Variants in PCDHGA6 observed in about 807,000 individuals in gnomAD.
The protein encoded by PCDHGA6 is protocadherin gamma-A6.
PCDHGA6 carries 41 observed loss-of-function variants against 60.6 expected under a neutral mutation model. That is an observed-to-expected ratio of 0.68 (90% confidence interval 0.53 to 0.88). The LOEUF (loss-of-function observed/expected upper bound fraction) is 0.88. PCDHGA6 is among the 40% of genes least tolerant of loss of function. PCDHGA6 has a pLI of 0.00. For missense variants in PCDHGA6, 1,312 were observed against 1,203.0 expected, an observed-to-expected ratio of 1.09 and a Z score of -1.34; for synonymous variants, 594 against 524.4, an observed-to-expected ratio of 1.13 and a Z score of -1.81.
chr5:141,385,537 T>C (rs1486400401), intron 1 of PCDHGA6: 7 of 1,341,300 alleles, frequency 5.2e-6, no homozygotes, highest in Non-Finnish European at 6.7e-6. Flanking sequence ...ATTATGAATA[T>C]GTGGACTATC....
Position 141,422,964 on chromosome 5 carries a change from G to C in PCDHGA6, c.2424+46457G>C, listed in dbSNP as rs375881737. 1.0e-4 allele frequency: 161 copies of C among 1,614,190 alleles called. No individual in the cohort carries two copies. In the African/African-American group the frequency reaches 1.9e-3, roughly 20 times the overall value. ...ACGGCTCCACTGGCGTGGAGCTGGC[G>C]CCCCGCTCTGCGGAACCTGGCTACC... On this transcript the variant is annotated intron_variant, in intron 1 of 3. Coordinates refer to ENST00000517434, the MANE Select transcript of PCDHGA6 (RefSeq NM_018919.3).
chr5:141,462,431 T>G (rs1345184304), intron 1 of PCDHGA6, among the ~76,000 whole-genome samples: 1 of 152,246 alleles, frequency 6.6e-6, no homozygotes, highest in East Asian at 1.9e-4. Context: ...TGGTGAGTGT[T>G]GCTTACACAC....
rs887814386 is a variant in PCDHGA6, at chr5:141,431,347, G to A, written c.2424+54840G>A. The A allele has an allele frequency of 1.9e-6, 3 of 1,614,098 alleles. No individual in the cohort carries two copies. The highest frequency in any genetic ancestry group is 2.5e-6 in the Non-Finnish European group (3 of 1,180,036). On this transcript the variant is annotated intron_variant, in intron 1 of 3. Coordinates refer to ENST00000517434, the MANE Select transcript of PCDHGA6 (RefSeq NM_018919.3). This position sits in a 1 kb window ranked among gnomAD's most constrained non-coding sequence, Gnocchi z 4.8. ...GTAGTAAGTACCCCGAATTGGTGCT[G>A]AAACGCGCCCTGGACCGCGAAGAAA...
chr5:141,469,376 A>T (rs572466149), intron 1 of PCDHGA6, among the ~76,000 whole-genome samples: 1 of 152,232 alleles, frequency 6.6e-6, no homozygotes, highest in East Asian at 1.9e-4. Flanking sequence ...AGAGATCGAG[A>T]CCATCCTGGC....
In PCDHGA6 at chr5:141,431,430, G is replaced by A; in HGVS notation, c.2424+54923G>A. ...GACGGGGGCGACCCGGTGCGCACAG[G>A]CACCGCGCGCATCCGCGTGATGGTT... is the stretch of plus-strand genomic sequence containing the variant. On this transcript the variant is annotated intron_variant, in intron 1 of 3. Coordinates refer to ENST00000517434, the MANE Select transcript of PCDHGA6 (RefSeq NM_018919.3). The surrounding 1 kb of genome is among the most constrained non-coding windows in gnomAD (Gnocchi z 4.8). 1 of 1,613,680 alleles carries A rather than the reference G, an allele frequency of 6.2e-7. No individual in the cohort carries two copies. The highest frequency in any genetic ancestry group is 8.5e-7 in the Non-Finnish European group (1 of 1,180,018).
chr5:141,430,826 C>T (rs993762069), intron 1 of PCDHGA6: 1 of 1,550,298 alleles, frequency 6.5e-7, no homozygotes, highest in Non-Finnish European at 8.7e-7. Context: ...CCTGGGGACT[C>T]TGTGGGAGAC....
chr5:141,420,269 A>C, intron 1 of PCDHGA6: 1 of 1,544,558 alleles, frequency 6.5e-7, no homozygotes, highest in Non-Finnish European at 8.8e-7. Flanking sequence ...GAAGATTCTT[A>C]AACAGGTAAG....
At chr5:141,385,295 A>C (rs1422997974) in intron 1 of PCDHGA6, 1 of 1,613,146 alleles carries the variant, frequency 6.2e-7, no homozygotes, top group African/African-American at 1.3e-5. Context: ...GATTTTCAGG[A>C]ATGTAAAGAA....
At chr5:141,407,214 G>C (rs1230787104) in intron 1 of PCDHGA6, among the ~76,000 whole-genome samples, 2 of 152,146 alleles carry the variant, frequency 1.3e-5, no homozygotes, top group South Asian at 2.1e-4. Context: ...TCCCCCTTAA[G>C]TGGGTAGCAA....
chr5:141,405,120 A>G (rs1223444295), intron 1 of PCDHGA6: 2 of 1,613,938 alleles, frequency 1.2e-6, no homozygotes, highest in Non-Finnish European at 1.7e-6. Context: ...CACTCCTCGC[A>G]TCTGCTGCGG....
At chr5:141,403,390 G>A in intron 1 of PCDHGA6, 1 of 1,614,038 alleles carries the variant, frequency 6.2e-7, no homozygotes, top group Non-Finnish European at 8.5e-7. Context: ...ACGAAATCGC[G>A]GTTCCTGGAG....
intron 1 of PCDHGA6, among the ~76,000 whole-genome samples, chr5:141,445,132 G>T (rs921068835): frequency 2.6e-5 from 4 of 152,026 alleles, no homozygotes; most frequent in Non-Finnish European, 5.9e-5. Flanking sequence ...TTTTAAAATT[G>T]TATCTTCTAA....
chr5:141,389,957 G>A (rs2091985321), intron 1 of PCDHGA6: 2 of 1,614,080 alleles, frequency 1.2e-6, no homozygotes, highest in Non-Finnish European at 1.7e-6. Flanking sequence ...TTTACCTAGT[G>A]GTGGCCTTGG....
At chr5:141,412,195 C>T (rs1326751515) in intron 1 of PCDHGA6, 2 of 152,208 alleles carry the variant, frequency 1.3e-5, no homozygotes, top group African/African-American at 4.8e-5. Context: ...CTGATGAAAA[C>T]AGGTCATTTG....
intron 1 of PCDHGA6, chr5:141,427,265 C>T (rs767369457): frequency 6.1e-5 from 28 of 456,570 alleles, no homozygotes; most frequent in Non-Finnish European, 1.1e-4. Context: ...GCATGACCAG[C>T]GAATGTAAAA....
At chr5:141,499,061 G>A (rs1300036203) in intron 2 of PCDHGA6, among the ~76,000 whole-genome samples, 1 of 151,914 alleles carries the variant, frequency 6.6e-6, no homozygotes, top group African/African-American at 2.4e-5. Flanking sequence ...AAATGAAGAA[G>A]ACTTACATTC....
At position 141,423,201 on chromosome 5, in the gene PCDHGA6, C is replaced by T. The variant is rs749613139; in HGVS notation, c.2424+46694C>T. 24 of 1,613,628 alleles carry T rather than the reference C, an allele frequency of 1.5e-5. No homozygotes were observed. The South Asian group carries it at 1.5e-4, about 10-fold the overall frequency. ...ACGGCCAGCCCCCTCTCTCGGCCAC[C>T]GTCACGCTCACCGTGGCTGTGGCCG... On this transcript the variant is annotated intron_variant, in intron 1 of 3. Coordinates refer to ENST00000517434, the MANE Select transcript of PCDHGA6 (RefSeq NM_018919.3).
Position 141,376,352 on chromosome 5 carries a change from G to A in PCDHGA6, c.2269G>A (p.Val757Ile), listed in dbSNP as rs919062386. The change falls in exon 1 of 4, where the codon GTC (valine) becomes ATC (isoleucine). Residue 757 changes from valine to isoleucine, a missense_variant. By Grantham distance (29) the Val-to-Ile change is conservative (BLOSUM62 3). Coordinates refer to ENST00000517434, the MANE Select transcript of PCDHGA6 (RefSeq NM_018919.3). ...RAFLQTYSHE[V>I]SLTADSRKSH... Reference sequence around the variant, plus strand: ...TTTCCTGCAGACCTATTCCCACGAGGTCTCACTCACTGCAGACTCGCGTAA... The same window carrying A: ...TTTCCTGCAGACCTATTCCCACGAGATCTCACTCACTGCAGACTCGCGTAA... 3.9e-5 allele frequency: 63 copies of A among 1,614,164 alleles called. No homozygotes were observed. In the East Asian group the frequency reaches 1.4e-3, roughly 35 times the overall value.
intron 1 of PCDHGA6, chr5:141,399,474 C>T (rs1282833757): frequency 6.2e-7 from 1 of 1,614,032 alleles, no homozygotes; most frequent in South Asian, 1.1e-5. Flanking sequence ...CGGTTTTCCA[C>T]CAGGCGTCCT....
Sources: gnomAD v4.1 joint callset for allele counts (sites outside exome capture counted in the v4.1 genomes callset) on GRCh38, gnomAD v4.1.1 for gene constraint, Gnocchi (gnomAD v3.1) non-coding constraint, MANE v1.5 for transcripts, NCBI Gene and HGNC (gene_info 2026-07-23, HGNC 2026-07-21) for gene names.